Variants in ARHGEF11 observed in about 807,000 individuals in gnomAD.
ARHGEF11 encodes the protein Rho guanine nucleotide exchange factor 11, also known as Rho guanine exchange factor (GEF) 11.
In ARHGEF11, 55 loss-of-function variants were observed where a neutral mutation model predicts 193.7. That is an observed-to-expected ratio of 0.28 (90% CI 0.23 to 0.36). The LOEUF (loss-of-function observed/expected upper bound fraction) is 0.36, where lower values mean the gene tolerates loss of function less well. ARHGEF11 is among the 10% of genes least tolerant of loss of function. The probability of loss-of-function intolerance (pLI) is 1.00; values close to 1 mark genes in which losing one functional copy is unlikely to be tolerated. For synonymous variants in ARHGEF11, 693 were observed against 768.0 expected, an observed-to-expected ratio of 0.90 and a Z score of 1.62; for missense variants, 1,723 against 2,005.6, an observed-to-expected ratio of 0.86 and a Z score of 2.69.
intron 1 of ARHGEF11, among the ~76,000 whole-genome samples, chr1:157,012,687 G>C (rs1668683494): frequency 6.6e-6 from 1 of 152,176 alleles, no homozygotes; most frequent in South Asian, 2.1e-4. Context: ...TCTCTGTCTA[G>C]GTATTAGTTC....
intron 1 of ARHGEF11, among the ~76,000 whole-genome samples, chr1:157,010,287 C>G (rs1668390948): frequency 6.6e-6 from 1 of 152,086 alleles, no homozygotes; most frequent in South Asian, 2.1e-4. Context: ...TAAAAGGTAT[C>G]CAGATGGAAA....
intron 38 of ARHGEF11, 132 bp from the exon 39 acceptor site, chr1:156,937,628 G>T: frequency 1.0e-6 from 1 of 973,386 alleles, no homozygotes; most frequent in Non-Finnish European, 1.5e-6. Flanking sequence ...CTCAGAGAAC[G>T]TGGGCCTTGC....
intron 1 of ARHGEF11, among the ~76,000 whole-genome samples, chr1:157,013,708 G>C (rs1282646028): frequency 6.6e-6 from 1 of 151,832 alleles, no homozygotes; most frequent in Non-Finnish European, 1.5e-5. Context: ...TTTGAATCTT[G>C]ACATTGCTCA....
intron 1 of ARHGEF11, among the ~76,000 whole-genome samples, chr1:157,035,830 AT>A (rs375252945): frequency 1.5e-3 from 1 of 646 alleles, no homozygotes; most frequent in South Asian, 0.1. Context: ...GAATATATAT[AT>A]GGAATATATA....
intron 1 of ARHGEF11, among the ~76,000 whole-genome samples, chr1:156,989,741 T>C (rs1665449754): frequency 6.6e-6 from 1 of 152,204 alleles, no homozygotes; most frequent in African/African-American, 2.4e-5. Flanking sequence ...ACACATTTCA[T>C]TTACCCCAAC....
intron 17 of ARHGEF11, among the ~76,000 whole-genome samples, chr1:156,958,223 T>G (rs1330680179): frequency 6.6e-6 from 1 of 152,220 alleles, no homozygotes; most frequent in East Asian, 1.9e-4. Flanking sequence ...CACAGGTGCC[T>G]ATGACACTTT....
intron 1 of ARHGEF11, among the ~76,000 whole-genome samples, chr1:157,010,312 C>T (rs1668392922): frequency 6.6e-6 from 1 of 152,092 alleles, no homozygotes; most frequent in African/African-American, 2.4e-5. Flanking sequence ...AAAAGTAAAA[C>T]TCTCTCTTTT....
rs777473896 is a variant in ARHGEF11, at chr1:156,980,446, C to A, written c.264G>T (p.Arg88=). The change falls in exon 4 of 41, where the codon CGG becomes CGT. Residue 88 remains arginine, a synonymous_variant. Transcript: ENST00000368194. The part of the protein sequence containing the change: ...AMKAGVKEGD[R]IIKVNGTMVT... ...TGTTGGGGTCACTCACTTTGATGAT[C>A]CGGTCGCCCTCTTTCACACCGGCCT... The A allele has an allele frequency of 1.2e-6, 2 of 1,604,834 alleles. No individual in the cohort carries two copies. Among genetic ancestry groups the A allele is most frequent in the African/African-American group, 2.7e-5 (2 of 74,822 alleles).
At chr1:156,963,108 T>C (rs1015967300) in intron 13 of ARHGEF11, 95 bp downstream of exon 13, 2 of 957,452 alleles carry the variant, frequency 2.1e-6, no homozygotes, top group Non-Finnish European at 3.3e-6. Context: ...CCCATGGATC[T>C]GACTTGTAAC....
chr1:156,985,236 CTG>C (rs1664751228), intron 2 of ARHGEF11, among the ~76,000 whole-genome samples: 1 of 152,132 alleles, frequency 6.6e-6, no homozygotes, highest in African/African-American at 2.4e-5. Flanking sequence ...CTTAACCTCT[CTG>C]TGCCTCAGCT....
intron 1 of ARHGEF11, among the ~76,000 whole-genome samples, chr1:157,016,503 A>G (rs1192590614): frequency 6.6e-6 from 1 of 152,184 alleles, no homozygotes; most frequent in African/African-American, 2.4e-5. Context: ...TACAGGCGTG[A>G]GCCACGGTGC....
rs777461179 is a variant in ARHGEF11, at chr1:156,969,621, A to G, written c.749-263T>C. Among the ~76,000 whole-genome samples the G allele has an allele frequency of 1.1e-4, 16 of 151,410 alleles. 1 individual carries two copies. Among genetic ancestry groups the G allele is most frequent in the Non-Finnish European group, 1.9e-4 (13 of 67,828 alleles). On this transcript the variant is annotated intron_variant, in intron 9 of 40. Coordinates refer to ENST00000368194, the MANE Select transcript of ARHGEF11 (RefSeq NM_198236.3). ...TCACCTCCTGAAATAAGACTCCATA[A>G]CTCTCTCTCACAACTAGTTTTGCTC...
At chr1:156,962,065 G>C (rs1189142213) in intron 13 of ARHGEF11, among the ~76,000 whole-genome samples, 1 of 152,172 alleles carries the variant, frequency 6.6e-6, no homozygotes, top group Non-Finnish European at 1.5e-5. Flanking sequence ...CTTTCCCACG[G>C]GCACATCTTC....
chr1:156,952,227 C>T (rs902776843), intron 21 of ARHGEF11, among the ~76,000 whole-genome samples: 6 of 152,098 alleles, frequency 3.9e-5, no homozygotes, highest in Admixed American at 1.3e-4. Context: ...CTCTTTAGTA[C>T]CGTAAGAGGT....
chr1:156,938,606 G>A (rs1656042050), intron 37 of ARHGEF11, 93 bp from the exon 38 acceptor site: 1 of 1,173,774 alleles, frequency 8.5e-7, no homozygotes, highest in Non-Finnish European at 1.2e-6. Context: ...GGCAGGAGGT[G>A]GGGACAGGGG....
intron 7 of ARHGEF11, 78 bp from the exon 8 acceptor site, chr1:156,971,894 G>A (rs1662543031): frequency 6.7e-7 from 1 of 1,486,440 alleles, no homozygotes; most frequent in African/African-American, 1.4e-5. Flanking sequence ...ACTCACCAGT[G>A]GGGAGAATAG....
At chr1:157,008,710 G>A (rs909901657) in intron 1 of ARHGEF11, among the ~76,000 whole-genome samples, 2 of 152,126 alleles carry the variant, frequency 1.3e-5, no homozygotes, top group Non-Finnish European at 2.9e-5. Context: ...CAAGGCCTTG[G>A]AATGTGTTTA....
chr1:156,980,598 T>G, intron 3 of ARHGEF11, 112 bp from the exon 4 acceptor site: 2 of 1,224,146 alleles, frequency 1.6e-6, no homozygotes, highest in South Asian at 2.6e-5. Flanking sequence ...TTCTCTGTGT[T>G]AAGTATCTCA....
rs1450049618 is a variant in ARHGEF11, at chr1:156,984,348, C to G, written c.214G>C (p.Val72Leu). The G allele has an allele frequency of 6.3e-7, 1 of 1,587,774 alleles. No homozygotes were observed. The highest frequency in any genetic ancestry group is 1.3e-5 in the African/African-American group (1 of 74,844). ...GGGATGCAGCACTCACCAGGCCGCACAGACTGCACCAGAACAATGCGATCC... is the reference window on the plus strand; with the variant it reads ...GGGATGCAGCACTCACCAGGCCGCAGAGACTGCACCAGAACAATGCGATCC... ...SGDRIVLVQS[V>L]RPGGAAMKAG... The change falls in exon 3 of 41, where the codon GTG (valine) becomes CTG (leucine). Residue 72 changes from valine (V) to leucine (L), a missense_variant. This residue lies in a region of ARHGEF11 where 646 missense variants were observed against 710.7 expected (regional missense o/e 0.91). Transcript: ENST00000368194.
Sources: allele counts gnomAD v4.1 joint callset (sites outside exome capture counted in the v4.1 genomes callset), GRCh38; gene constraint gnomAD v4.1.1; regional missense constraint gnomAD v4.1.1; transcripts MANE v1.5; gene names NCBI Gene and HGNC (gene_info 2026-07-23, HGNC 2026-07-21).